The following IL1RAPL2 variants were observed in gnomAD, a reference collection of about 807,000 sequenced individuals.
IL1RAPL2 encodes X-linked interleukin-1 receptor accessory protein-like 2.
A neutral mutation model predicts 44.1 loss-of-function variants in IL1RAPL2; 3 were observed. That is an observed-to-expected ratio of 0.07 (90% CI 0.03 to 0.18). The LOEUF (loss-of-function observed/expected upper bound fraction) is 0.18, where lower values mean the gene tolerates loss of function less well. Among genes scored for constraint, IL1RAPL2 ranks in the 10% least tolerant of loss-of-function variants. IL1RAPL2 has a pLI of 1.00. For synonymous variants in IL1RAPL2, 181 were observed against 178.8 expected (o/e 1.01, Z -0.10); for missense variants, 391 against 496.4 (o/e 0.79, Z 2.02).
At chrX:105,625,279 C>T (rs953343716) in intron 6 of IL1RAPL2, among the ~76,000 whole-genome samples, 6 of 112,000 alleles carry the variant, frequency 5.4e-5, no homozygotes, top group Non-Finnish European at 7.5e-5. Context: ...CTTTGTGCCA[C>T]GTTCTGTGCT....
chrX:105,575,767 T>A (rs1665194792), intron 6 of IL1RAPL2, among the ~76,000 whole-genome samples: 1 of 112,555 alleles, frequency 8.9e-6, no homozygotes, highest in African/African-American at 3.2e-5. Flanking sequence ...CCACAATGAC[T>A]GAACTAATTT....
chrX:105,465,850 T>C (rs2036124991), intron 5 of IL1RAPL2, among the ~76,000 whole-genome samples: 1 of 111,806 alleles, frequency 8.9e-6, no homozygotes, highest in African/African-American at 3.2e-5. Context: ...CAAATACTTC[T>C]CTGTCTCACT....
Position 104,767,083 on chromosome X carries a change from C to T in IL1RAPL2, c.82+108088C>T, listed in dbSNP as rs750643924. Among the ~76,000 whole-genome samples the T allele has an allele frequency of 1.7e-4, 19 of 111,961 alleles. No individual in the cohort carries two copies. The Admixed American group carries it at 1.7e-3, about 10-fold the overall frequency. ...ATGTAGAAGTTTCCATAGTGTAAGACACATTCTCCACTTTTTTCCTGAAAA... is the reference window on the plus strand; with the variant it reads ...ATGTAGAAGTTTCCATAGTGTAAGATACATTCTCCACTTTTTTCCTGAAAA... On this transcript the variant is annotated intron_variant, in intron 2 of 10. Transcript: ENST00000372582.
chrX:105,330,174 C>T (rs909796097), intron 5 of IL1RAPL2, among the ~76,000 whole-genome samples: 5 of 111,522 alleles, frequency 4.5e-5, no homozygotes, highest in African/African-American at 1.6e-4. Flanking sequence ...CAAGCATGTG[C>T]ACACCTTGTT....
At position 105,691,009 on chromosome X, in the gene IL1RAPL2, CT is replaced by C. The variant is rs767311527; in HGVS notation, c.773-26355del. Among the ~76,000 whole-genome samples, 3 of 111,201 alleles carry C rather than the reference CT, an allele frequency of 2.7e-5. No homozygotes were observed. The East Asian group carries it at 8.6e-4, about 32-fold the overall frequency. On this transcript the variant is annotated intron_variant, in intron 6 of 10. Transcript: ENST00000372582. ...CTTGCTGTGGTGCACATGACCTCTTCTTTGGTCACAGTCCTATCAGATCAGG... is the reference window on the plus strand; with the variant it reads ...CTTGCTGTGGTGCACATGACCTCTTCTTGGTCACAGTCCTATCAGATCAGG...
chrX:104,886,975 A>C (rs1483211983), intron 2 of IL1RAPL2, among the ~76,000 whole-genome samples: 1 of 112,444 alleles, frequency 8.9e-6, no homozygotes, highest in Admixed American at 9.4e-5. Context: ...CAAGGGTACA[A>C]GGTGTCTAGG....
At chrX:104,766,863 G>A (rs1428873471) in intron 2 of IL1RAPL2, among the ~76,000 whole-genome samples, 2 of 112,145 alleles carry the variant, frequency 1.8e-5, no homozygotes, top group Non-Finnish European at 3.8e-5. Context: ...TTTTAGTAGT[G>A]CACTGAACAA....
intron 1 of IL1RAPL2, among the ~76,000 whole-genome samples, chrX:104,584,099 A>G (rs758808288): frequency 9.0e-6 from 1 of 111,288 alleles, no homozygotes; most frequent in African/African-American, 3.3e-5. Flanking sequence ...CACCCCAGAG[A>G]ATCTGATTCA....
intron 6 of IL1RAPL2, among the ~76,000 whole-genome samples, chrX:105,586,841 G>T (rs1337899822): frequency 8.9e-6 from 1 of 112,369 alleles, no homozygotes; most frequent in Non-Finnish European, 1.9e-5. Context: ...TGTGTGTGCA[G>T]CTCTCTCTTC....
intron 5 of IL1RAPL2, among the ~76,000 whole-genome samples, chrX:105,302,413 A>G (rs1343838758): frequency 2.7e-5 from 3 of 111,660 alleles, no homozygotes; most frequent in Non-Finnish European, 3.8e-5. Context: ...TTGCCTGGCT[A>G]ACACTGCTGA....
intron 6 of IL1RAPL2, among the ~76,000 whole-genome samples, chrX:105,566,498 C>T (rs751198115): frequency 3.6e-5 from 4 of 111,442 alleles, no homozygotes; most frequent in Non-Finnish European, 7.5e-5. Flanking sequence ...TCATTGGCTG[C>T]CCTTCGTCTC....
intron 2 of IL1RAPL2, among the ~76,000 whole-genome samples, chrX:105,148,140 T>C (rs943417403): frequency 3.6e-5 from 4 of 111,873 alleles, no homozygotes; most frequent in Admixed American, 9.5e-5. Flanking sequence ...ACATTTGCAT[T>C]ACTAGTCATC....
rs111279657 is a variant in IL1RAPL2, at chrX:105,140,391, G to A, written c.83-55084G>A. On this transcript the variant is annotated intron_variant, in intron 2 of 10. Coordinates refer to ENST00000372582, the MANE Select transcript of IL1RAPL2 (RefSeq NM_017416.2). ...GGAACAACCAGCCTGGGACCATGAA[G>A]TGACAAGTACAAAGTTGGCAATCAA... Among the ~76,000 whole-genome samples, 324 of 112,406 alleles carry A rather than the reference G, an allele frequency of 2.9e-3. 2 individuals are homozygous for A. The highest frequency in any genetic ancestry group is 1.0e-2 in the African/African-American group (309 of 30,968).
rs1569456765 is a variant in IL1RAPL2 at position 105,590,849 on chromosome X, T to TGTG, written c.772+106462_772+106463insGTG. ...TGTGTGTGTGTGTGTGTGTGTGTGT[T>TGTG]TGTGTGTGTTTGTGTGTGTGTGTGT... On this transcript the variant is annotated intron_variant, in intron 6 of 10. Coordinates refer to ENST00000372582, the MANE Select transcript of IL1RAPL2 (RefSeq NM_017416.2). 3.7e-3 allele frequency among the ~76,000 whole-genome samples: 302 copies of TGTG among 80,726 alleles called. 2 individuals are homozygous for TGTG. The highest frequency in any genetic ancestry group is 0.016 in the African/African-American group (294 of 18,468). The allele number at this position is 80,726 out of a possible 115,157, so 70.1% of individuals were successfully genotyped here. A position where few individuals can be genotyped will look rare whatever the true frequency, so the allele number is the denominator to read the frequency against.
At chrX:105,665,750 TTTTTTG>T (rs1216410733) in intron 6 of IL1RAPL2, among the ~76,000 whole-genome samples, 8 of 85,668 alleles carry the variant, frequency 9.3e-5, no homozygotes, top group African/African-American at 3.1e-4. Flanking sequence ...TTGTTTTTTT[TTTTTTG>T]TTGTTGTTGT....
chrX:105,442,353 C>T (rs775518384), intron 5 of IL1RAPL2, among the ~76,000 whole-genome samples: 6 of 111,258 alleles, frequency 5.4e-5, no homozygotes, highest in African/African-American at 1.3e-4. Flanking sequence ...TGTGAGCCAC[C>T]GTGCCCGGCC....
chrX:105,116,293 C>A (rs1211060039), intron 2 of IL1RAPL2, among the ~76,000 whole-genome samples: 1 of 112,484 alleles, frequency 8.9e-6, no homozygotes, highest in Non-Finnish European at 1.9e-5. Context: ...ATTTACCCAA[C>A]CTTTCTGAAC....
At chrX:105,337,833 G>A (rs1253779173) in intron 5 of IL1RAPL2, among the ~76,000 whole-genome samples, 1 of 111,066 alleles carries the variant, frequency 9.0e-6, no homozygotes, top group Non-Finnish European at 1.9e-5. Flanking sequence ...AGAGCTTGCA[G>A]TGAGCCGAGA....
intron 2 of IL1RAPL2, among the ~76,000 whole-genome samples, chrX:104,938,177 T>A (rs149798332): frequency 3.4e-3 from 384 of 112,485 alleles, no homozygotes; most frequent in Non-Finnish European, 6.1e-3. Context: ...ATAAACATAT[T>A]TATTTTGGGC....
Sources: gnomAD v4.1 joint callset for allele counts (sites outside exome capture counted in the v4.1 genomes callset) on GRCh38, gnomAD v4.1.1 for gene constraint, MANE v1.5 for transcripts, NCBI Gene and HGNC (gene_info 2026-07-23, HGNC 2026-07-21) for gene names.